Variants in SAMMSON observed in about 807,000 individuals in gnomAD.
The protein encoded by SAMMSON is long intergenic non-protein coding RNA 1212.
At chr3:70,079,986 A>AT (rs1358501813) in intron 4 of SAMMSON, among the ~76,000 whole-genome samples, 1 of 152,172 alleles carries the variant, frequency 6.6e-6, no homozygotes, top group East Asian at 1.9e-4. Flanking sequence ...CTGTCATGCA[A>AT]TTTATGCTCC....
intron 7 of SAMMSON, among the ~76,000 whole-genome samples, chr3:70,339,272 A>C (rs543237885): frequency 4.6e-5 from 7 of 152,324 alleles, no homozygotes; most frequent in Admixed American, 2.6e-4. Flanking sequence ...TAAAGACTTA[A>C]ATGTTAGACC....
intron 4 of SAMMSON, among the ~76,000 whole-genome samples, chr3:70,134,208 C>T (rs1576131057): frequency 6.7e-6 from 1 of 150,180 alleles, no homozygotes; most frequent in Admixed American, 6.6e-5. Flanking sequence ...TGCAGTGAGC[C>T]GAGATTGTGC....
In SAMMSON at chr3:70,175,020, G is replaced by A. The variant is rs138562087; in HGVS notation, n.508-74087G>A. ...CTTAACAAGGTGGTTTTTCTTTTAT[G>A]TCACAAAAGCTGGTATTCGATTGGC... On this transcript the variant is annotated intron_variant and non_coding_transcript_variant, in intron 4 of 9. Transcript: ENST00000642114. Among the ~76,000 whole-genome samples, 547 of 152,036 alleles carry A rather than the reference G, an allele frequency of 3.6e-3. 2 individuals are homozygous for A. Among genetic ancestry groups the A allele is most frequent in the African/African-American group, 0.012 (511 of 41,496 alleles).
At chr3:70,085,244 A>G (rs1338378943) in intron 4 of SAMMSON, among the ~76,000 whole-genome samples, 5 of 152,106 alleles carry the variant, frequency 3.3e-5, no homozygotes, top group African/African-American at 1.2e-4. Context: ...TGACGGCAAG[A>G]AACAGTTAAT....
intron 9 of SAMMSON, among the ~76,000 whole-genome samples, chr3:70,375,452 C>T (rs1351977021): frequency 1.3e-5 from 2 of 148,152 alleles, no homozygotes; most frequent in African/African-American, 5.0e-5. Flanking sequence ...TATATCGATG[C>T]TGTTCTAGAC....
chr3:70,312,043 A>G, intron 7 of SAMMSON: 1 of 396,260 alleles, frequency 2.5e-6, no homozygotes, highest in Admixed American at 4.4e-5. Flanking sequence ...CGAGTTTTAT[A>G]TTTAGAAACT....
At chr3:70,271,587 G>C (rs1180819667) in intron 6 of SAMMSON, among the ~76,000 whole-genome samples, 1 of 152,134 alleles carries the variant, frequency 6.6e-6, no homozygotes, top group Non-Finnish European at 1.5e-5. Context: ...GCAAATTCTG[G>C]TTGGTCCATT....
intron 4 of SAMMSON, among the ~76,000 whole-genome samples, chr3:70,213,279 G>T (rs1016357102): frequency 2.0e-5 from 3 of 152,066 alleles, no homozygotes; most frequent in African/African-American, 7.2e-5. Context: ...CTATTGCCAA[G>T]TTGCCTGTGG....
At position 70,169,639 on chromosome 3, in the gene SAMMSON, T is replaced by C. The variant is rs969384571; in HGVS notation, n.508-79468T>C. 8.7e-4 allele frequency among the ~76,000 whole-genome samples: 13 copies of C among 14,860 alleles called. No homozygotes were observed. The South Asian group carries it at 0.019, about 22-fold the overall frequency. The allele number at this position is 14,860 out of a possible 152,430, so 9.7% of individuals were successfully genotyped here. On this transcript the variant is annotated intron_variant and non_coding_transcript_variant, in intron 4 of 9. Coordinates refer to ENST00000642114, the Ensembl canonical transcript of SAMMSON. ...AGGGAGAGTTTAGAGAGGTCTTTTCTTTTTTCTTTTTTTTTTTTTCCTTCT... is the reference window on the plus strand; with the variant it reads ...AGGGAGAGTTTAGAGAGGTCTTTTCCTTTTTCTTTTTTTTTTTTTCCTTCT...
At chr3:70,187,598 C>T (rs950304748) in intron 4 of SAMMSON, among the ~76,000 whole-genome samples, 1 of 151,542 alleles carries the variant, frequency 6.6e-6, no homozygotes, top group African/African-American at 2.4e-5. Flanking sequence ...CCACCATGCC[C>T]GGCTAATTTT....
At chr3:70,366,487 T>C (rs1485985012) in intron 9 of SAMMSON, among the ~76,000 whole-genome samples, 2 of 114,436 alleles carry the variant, frequency 1.7e-5, no homozygotes, top group Non-Finnish European at 3.6e-5. Context: ...CGTTTGTGTT[T>C]TTATGTTTTT....
chr3:70,334,402 A>G (rs569039753), intron 7 of SAMMSON, among the ~76,000 whole-genome samples: 42 of 152,134 alleles, frequency 2.8e-4, no homozygotes, highest in Non-Finnish European at 5.3e-4. Flanking sequence ...ATATATATGT[A>G]CATAATATAC....
intron 4 of SAMMSON, among the ~76,000 whole-genome samples, chr3:70,188,722 ATC>A (rs1444114189): frequency 6.6e-6 from 1 of 152,216 alleles, no homozygotes; most frequent in Non-Finnish European, 1.5e-5. Flanking sequence ...TGGCTGAATC[ATC>A]TCTTTTACTC....
chr3:70,356,982 C>A (rs805492), intron 8 of SAMMSON, among the ~76,000 whole-genome samples: 20,211 of 152,102 alleles, frequency 0.13, 1,508 homozygotes, highest in African/African-American at 0.17. Flanking sequence ...TGCCAAAATG[C>A]ATACAGTAAG....
intron 3 of SAMMSON, among the ~76,000 whole-genome samples, chr3:70,017,132 C>T (rs375394965): frequency 2.8e-3 from 427 of 152,154 alleles, no homozygotes; most frequent in African/African-American, 9.2e-3. Flanking sequence ...AGAAAGTCAT[C>T]GGTAGCTTGA....
At chr3:70,115,036 C>T (rs2067404824) in intron 4 of SAMMSON, among the ~76,000 whole-genome samples, 2 of 151,884 alleles carry the variant, frequency 1.3e-5, no homozygotes, top group Non-Finnish European at 1.5e-5. Context: ...TCTTGACTTA[C>T]GTAAACTTTG....
chr3:70,114,767 C>G (rs1480313263), intron 4 of SAMMSON, among the ~76,000 whole-genome samples: 1 of 152,084 alleles, frequency 6.6e-6, no homozygotes, highest in African/African-American at 2.4e-5. Context: ...AGAAAAATAT[C>G]CCATGATGGT....
At chr3:70,199,837 C>A (rs1248735540) in intron 4 of SAMMSON, among the ~76,000 whole-genome samples, 1 of 152,166 alleles carries the variant, frequency 6.6e-6, no homozygotes, top group Admixed American at 6.5e-5. Context: ...TTCTCTCAGC[C>A]CATCCAAAAG....
intron 1 of SAMMSON, among the ~76,000 whole-genome samples, chr3:70,007,517 T>G (rs1364059553): frequency 6.6e-6 from 1 of 152,216 alleles, no homozygotes; most frequent in Non-Finnish European, 1.5e-5. Flanking sequence ...TAACTTTGTT[T>G]GAGTTCATTG....
Sources: allele counts gnomAD v4.1 joint callset (sites outside exome capture counted in the v4.1 genomes callset), GRCh38; gene constraint gnomAD v4.1.1; transcripts MANE v1.5; gene names NCBI Gene and HGNC (gene_info 2026-07-23, HGNC 2026-07-21).